IMMP1L: variants seen among roughly 807,000 people sequenced by gnomAD.
IMMP1L encodes the protein mitochondrial inner membrane protease subunit 1.
Under a neutral mutation model 21.8 loss-of-function variants are expected in IMMP1L, and 24 were observed. The ratio of observed to expected loss-of-function variants is 1.10; its 90% CI spans 0.80 to 1.55. IMMP1L has a LOEUF of 1.55. Among genes scored for constraint, IMMP1L ranks in the 40% most tolerant of loss-of-function variants. The probability of loss-of-function intolerance (pLI) is 0.00; values close to 1 mark genes in which losing one functional copy is unlikely to be tolerated. For missense variants in IMMP1L, 195 were observed against 200.7 expected, an observed-to-expected ratio of 0.97 and a Z score of 0.17; for synonymous variants, 46 against 62.8, an observed-to-expected ratio of 0.73 and a Z score of 1.26.
Position 31,460,631 on chromosome 11 carries a change from G to A in IMMP1L, c.189C>T (p.Ile63=). ...AENLSRHFYG[I]QRGDIVIAKS... Reference sequence around the variant, plus strand: ...TATCCATGACAGAAATTTACCTTTGGATACCATAAAAATGTCGACTAAGAT... The same window carrying A: ...TATCCATGACAGAAATTTACCTTTGAATACCATAAAAATGTCGACTAAGAT... The change falls in exon 3 of 6, where the codon ATC becomes ATT. Residue 63 remains isoleucine (I), a synonymous_variant. Transcript: ENST00000532287. The A allele has an allele frequency of 1.3e-6, 2 of 1,590,766 alleles. No homozygotes were observed. The highest frequency in any genetic ancestry group is 1.7e-6 in the Non-Finnish European group (2 of 1,159,574).
intron 1 of IMMP1L, among the ~76,000 whole-genome samples, chr11:31,507,331 T>C (rs909032323): frequency 6.6e-6 from 1 of 152,126 alleles, no homozygotes; most frequent in Non-Finnish European, 1.5e-5. Flanking sequence ...ATACCAGATA[T>C]ATATCCTAAT....
chr11:31,473,177 G>C (rs920211168), intron 1 of IMMP1L, among the ~76,000 whole-genome samples: 1 of 152,156 alleles, frequency 6.6e-6, no homozygotes, highest in Admixed American at 6.5e-5. Flanking sequence ...AGCCTCCTAA[G>C]TAACTGGGAC....
chr11:31,496,362 C>A (rs1161212427), intron 1 of IMMP1L, among the ~76,000 whole-genome samples: 6 of 152,102 alleles, frequency 3.9e-5, no homozygotes, highest in African/African-American at 1.4e-4. Context: ...GTAACCCTTC[C>A]GCACTCCTGG....
chr11:31,441,429 G>T (rs938839077), intron 4 of IMMP1L, among the ~76,000 whole-genome samples: 1 of 149,224 alleles, frequency 6.7e-6, no homozygotes, highest in Non-Finnish European at 1.5e-5. Context: ...TAAATGACTT[G>T]TCATTTATTT....
At chr11:31,435,244 T>C (rs141241319) in intron 4 of IMMP1L, among the ~76,000 whole-genome samples, 132 of 152,282 alleles carry the variant, frequency 8.7e-4, no homozygotes, top group South Asian at 6.0e-3. Context: ...TGAACCAGGA[T>C]CAGTGGTTTC....
intron 4 of IMMP1L, among the ~76,000 whole-genome samples, chr11:31,450,935 C>T (rs1953734890): frequency 6.6e-6 from 1 of 152,042 alleles, no homozygotes. Context: ...GTCCCTGTCA[C>T]CAAGAATCTT....
intron 1 of IMMP1L, among the ~76,000 whole-genome samples, chr11:31,503,429 GAAAGT>G (rs1290535178): frequency 1.3e-5 from 2 of 151,988 alleles, no homozygotes; most frequent in African/African-American, 2.4e-5. Flanking sequence ...ACAGAAAGTA[GAAAGT>G]AAAGACTGAG....
intron 1 of IMMP1L, among the ~76,000 whole-genome samples, chr11:31,501,390 T>C (rs1015521335): frequency 5.9e-5 from 9 of 152,258 alleles, no homozygotes; most frequent in Admixed American, 5.9e-4. Context: ...AAATTATAAA[T>C]GAGATTGAGG....
intron 1 of IMMP1L, among the ~76,000 whole-genome samples, chr11:31,504,664 C>T (rs1955726802): frequency 6.6e-6 from 1 of 152,128 alleles, no homozygotes; most frequent in Non-Finnish European, 1.5e-5. Context: ...AACAGTAGAA[C>T]ACATAATAAA....
chr11:31,435,497 G>T (rs977215314), intron 4 of IMMP1L, among the ~76,000 whole-genome samples: 5 of 152,228 alleles, frequency 3.3e-5, no homozygotes, highest in East Asian at 3.9e-4. Context: ...AATAACTGCG[G>T]TTTTTGCCGC....
intron 4 of IMMP1L, chr11:31,437,241 G>T: frequency 2.7e-6 from 1 of 375,756 alleles, no homozygotes; most frequent in Non-Finnish European, 5.3e-6. Flanking sequence ...AGAGACCCAA[G>T]TCTAAACATG....
At chr11:31,488,026 C>G (rs1301053286) in intron 1 of IMMP1L, among the ~76,000 whole-genome samples, 1 of 152,046 alleles carries the variant, frequency 6.6e-6, no homozygotes, top group Non-Finnish European at 1.5e-5. Context: ...GCCAACTTTA[C>G]AAAATTACAT....
At chr11:31,469,889 C>T (rs1954485532) in intron 1 of IMMP1L, 1 of 151,978 alleles carries the variant, frequency 6.6e-6, no homozygotes, top group African/African-American at 2.4e-5. Flanking sequence ...AATGGAATGG[C>T]TACCTTTACA....
chr11:31,443,551 T>C (rs1953410366), intron 4 of IMMP1L, among the ~76,000 whole-genome samples: 2 of 152,214 alleles, frequency 1.3e-5, no homozygotes, highest in Admixed American at 1.3e-4. Context: ...TCTGTCTACC[T>C]GAGCTAATTA....
intron 1 of IMMP1L, among the ~76,000 whole-genome samples, chr11:31,492,299 T>C (rs924165562): frequency 1.3e-5 from 2 of 152,234 alleles, no homozygotes; most frequent in Non-Finnish European, 2.9e-5. Context: ...CTCTGCTATC[T>C]TTCAAATGTT....
chr11:31,499,690 TG>T (rs1955556982), intron 1 of IMMP1L, among the ~76,000 whole-genome samples: 1 of 152,198 alleles, frequency 6.6e-6, no homozygotes, highest in Admixed American at 6.5e-5. Context: ...CAAATTTCAG[TG>T]TCCACAAAGT....
intron 1 of IMMP1L, among the ~76,000 whole-genome samples, chr11:31,502,087 G>A (rs1955638954): frequency 6.6e-6 from 1 of 152,090 alleles, no homozygotes; most frequent in African/African-American, 2.4e-5. Context: ...CAAAGTCAGA[G>A]AGAAAAAATC....
Position 31,433,546 on chromosome 11 carries a change from C to G in IMMP1L, c.346G>C (p.Glu116Gln), listed in dbSNP as rs146915142. The change falls in exon 5 of 6, where the codon GAA becomes CAA. Residue 116 changes from glutamate to glutamine, a missense_variant. Physicochemically the swap from Glu to Gln is conservative, Grantham distance 29 (BLOSUM62 2). Coordinates refer to ENST00000532287, the MANE Select transcript of IMMP1L (RefSeq NM_001304274.2). ...GTAGAATTCTGTAGATTGTCACCTT[C>G]TAACCAAACATGACCCATTGGCACC... The part of the protein sequence containing the change: ...SYVPMGHVWL[E>Q]GDNLQNSTDS... 795 of 1,611,528 alleles carry G rather than the reference C, an allele frequency of 4.9e-4. 2 individuals carry two copies. Among genetic ancestry groups the G allele is most frequent in the Non-Finnish European group, 6.3e-4 (740 of 1,178,548 alleles).
intron 1 of IMMP1L, among the ~76,000 whole-genome samples, chr11:31,497,739 T>G (rs1955500605): frequency 6.6e-6 from 1 of 152,202 alleles, no homozygotes; most frequent in African/African-American, 2.4e-5. Context: ...CGTGAGCCAC[T>G]GCACCCGGCG....
Sources: gnomAD v4.1 joint callset for allele counts (sites outside exome capture counted in the v4.1 genomes callset) on GRCh38, gnomAD v4.1.1 for gene constraint, MANE v1.5 for transcripts, NCBI Gene and HGNC (gene_info 2026-07-23, HGNC 2026-07-21) for gene names.